IBTK: variants seen among roughly 807,000 people sequenced by gnomAD.
IBTK encodes inhibitor of Bruton tyrosine kinase, also known as BTK-binding protein.
A neutral mutation model predicts 154.9 loss-of-function variants in IBTK; 83 were observed. That is an observed-to-expected ratio of 0.54 (90% CI 0.45 to 0.64). The LOEUF (loss-of-function observed/expected upper bound fraction) is 0.64. Ranked by LOEUF, IBTK falls within the 30% of genes least tolerant of loss-of-function variation. The pLI is 0.00. For synonymous variants in IBTK, 515 were observed against 536.1 expected (o/e 0.96, Z 0.54); for missense variants, 1,332 against 1,584.6 (o/e 0.84, Z 2.71).
intron 26 of IBTK, 63 bp downstream of exon 26, chr6:82,181,816 C>A: frequency 8.4e-7 from 1 of 1,192,342 alleles, no homozygotes; most frequent in Non-Finnish European, 1.2e-6. Context: ...TATTTCAGAA[C>A]ATAAAACCAC....
intron 1 of IBTK, among the ~76,000 whole-genome samples, chr6:82,242,782 T>C (rs1388079942): frequency 6.6e-6 from 1 of 150,916 alleles, no homozygotes; most frequent in Non-Finnish European, 1.5e-5. Flanking sequence ...CCATCTCTAC[T>C]AAAAATACAA....
intron 25 of IBTK, among the ~76,000 whole-genome samples, chr6:82,189,864 CTT>C (rs1444910531): frequency 1.3e-5 from 2 of 152,178 alleles, no homozygotes; most frequent in East Asian, 3.8e-4. Context: ...GTTCCAATAA[CTT>C]TTCCCCCTTT....
chr6:82,237,574 C>T (rs9353059), intron 2 of IBTK, among the ~76,000 whole-genome samples: 33 of 109,952 alleles, frequency 3.0e-4, no homozygotes, highest in African/African-American at 7.7e-4. Context: ...GCAGCAGCAG[C>T]AGTAGTAGTA....
chr6:82,234,318 G>A, intron 2 of IBTK, 63 bp from the exon 3 acceptor site: 1 of 540,240 alleles, frequency 1.9e-6, no homozygotes, highest in Non-Finnish European at 2.8e-6. Flanking sequence ...TATATCATCA[G>A]TAACTTCCTA....
intron 16 of IBTK, among the ~76,000 whole-genome samples, chr6:82,206,815 C>T (rs148324880): frequency 1.3e-5 from 2 of 152,094 alleles, no homozygotes; most frequent in African/African-American, 4.8e-5. Flanking sequence ...ATATAATACA[C>T]AAAAATAAAG....
intron 16 of IBTK, among the ~76,000 whole-genome samples, chr6:82,207,733 A>C (rs1769466104): frequency 1.3e-5 from 2 of 152,334 alleles, no homozygotes; most frequent in South Asian, 4.1e-4. Flanking sequence ...GCATAAAGAG[A>C]GTTCAGTGAA....
chr6:82,220,819 T>C (rs1770069652), intron 8 of IBTK, 106 bp from the exon 9 acceptor site: 3 of 908,832 alleles, frequency 3.3e-6, no homozygotes, highest in Non-Finnish European at 4.8e-6. Flanking sequence ...GCAATTATTG[T>C]GAAGGTGAAG....
chr6:82,194,403 A>AT, intron 23 of IBTK, 76 bp downstream of exon 23: 1 of 965,352 alleles, frequency 1.0e-6, no homozygotes, highest in East Asian at 3.0e-5. Flanking sequence ...AATGTTCATC[A>AT]TTAAAAAATT....
At chr6:82,231,285 T>C (rs1465339257) in intron 4 of IBTK, among the ~76,000 whole-genome samples, 1 of 151,264 alleles carries the variant, frequency 6.6e-6, no homozygotes, top group Non-Finnish European at 1.5e-5. Context: ...GTTTTCTAAA[T>C]TGAAATTATT....
At chr6:82,219,916 AC>A (rs1425697144) in intron 9 of IBTK, among the ~76,000 whole-genome samples, 1 of 152,102 alleles carries the variant, frequency 6.6e-6, no homozygotes, top group Non-Finnish European at 1.5e-5. Context: ...TACTTTTTTA[AC>A]AGTTACATGA....
intron 6 of IBTK, among the ~76,000 whole-genome samples, 164 bp downstream of exon 6, chr6:82,225,313 A>AAAT (rs1020002629): frequency 3.3e-5 from 5 of 151,896 alleles, no homozygotes; most frequent in Admixed American, 6.6e-5. Context: ...CTGTCTCAAA[A>AAAT]AATAATAATA....
At chr6:82,187,640 A>T (rs1193594236) in intron 25 of IBTK, among the ~76,000 whole-genome samples, 2 of 152,184 alleles carry the variant, frequency 1.3e-5, no homozygotes, top group Admixed American at 1.3e-4. Context: ...AGCAGTCATC[A>T]GGTGGGTGAC....
chr6:82,227,774 G>A (rs1169856364), intron 4 of IBTK, among the ~76,000 whole-genome samples: 2 of 151,958 alleles, frequency 1.3e-5, no homozygotes, highest in Non-Finnish European at 2.9e-5. Flanking sequence ...TATACATGGC[G>A]TAGGGGGCAG....
chr6:82,241,720 T>C (rs1770959400), intron 1 of IBTK, among the ~76,000 whole-genome samples: 1 of 152,194 alleles, frequency 6.6e-6, no homozygotes, highest in Non-Finnish European at 1.5e-5. Context: ...AAAAATTACA[T>C]TAAAAAGTTT....
At chr6:82,185,850 C>A (rs1210533583) in intron 25 of IBTK, among the ~76,000 whole-genome samples, 1 of 152,090 alleles carries the variant, frequency 6.6e-6, no homozygotes, top group Admixed American at 6.6e-5. Context: ...TCAATTTATA[C>A]TGAAGTGCTT....
At chr6:82,196,781 G>A (rs1168443321) in intron 21 of IBTK, among the ~76,000 whole-genome samples, 1 of 152,154 alleles carries the variant, frequency 6.6e-6, no homozygotes, top group Non-Finnish European at 1.5e-5. Context: ...AGGAGAAAGG[G>A]AAAATAATTA....
intron 4 of IBTK, 70 bp from the exon 5 acceptor site, chr6:82,227,372 T>A (rs1770335495): frequency 1.1e-6 from 1 of 880,196 alleles, no homozygotes; most frequent in Admixed American, 2.7e-5. Flanking sequence ...GAAAAAGAAA[T>A]AGAATATTGT....
Position 82,172,498 on chromosome 6 carries a change from G to T in IBTK, c.3812C>A (p.Ser1271Tyr). ...TACCATGGATGGAGCAGTCACTGAA[G>T]AAGATAGCCAGGGACTGAAAGAATA... ...LLDSPNPWLS[S>Y]SVTAPSMVAP... The change falls in exon 28 of 29, where the codon TCT (serine) becomes TAT (tyrosine). Residue 1271 changes from serine to tyrosine, a missense_variant. Transcript: ENST00000306270. 2.5e-6 allele frequency: 4 copies of T among 1,611,862 alleles called. No individual in the cohort carries two copies. The highest frequency in any genetic ancestry group is 3.4e-6 in the Non-Finnish European group (4 of 1,179,380).
chr6:82,220,581 TG>T lies in IBTK; in HGVS notation c.1248+8del. 6.3e-7 allele frequency: 1 copy of T among 1,596,876 alleles called. No homozygotes were observed. Among genetic ancestry groups the T allele is most frequent in the Non-Finnish European group, 8.5e-7 (1 of 1,174,952 alleles). On this transcript the variant is annotated splice_region_variant and intron_variant, in intron 9 of 28. Coordinates refer to ENST00000306270, the MANE Select transcript of IBTK (RefSeq NM_015525.4). ...GTAAGATTACACTTTTACATAAACA[TG>T]TACTTACCCTTCCAGCTCCATCCAT...
Sources: allele counts gnomAD v4.1 joint callset (sites outside exome capture counted in the v4.1 genomes callset), GRCh38; gene constraint gnomAD v4.1.1; transcripts MANE v1.5; gene names NCBI Gene and HGNC (gene_info 2026-07-23, HGNC 2026-07-21).